Variants in RYR1 observed in about 807,000 individuals in gnomAD.
RYR1 encodes the protein central core disease of muscle.
A neutral mutation model predicts 583.5 loss-of-function variants in RYR1; 342 were observed. The ratio of observed to expected loss-of-function variants is 0.59; its 90% CI spans 0.54 to 0.64. The LOEUF (loss-of-function observed/expected upper bound fraction) is 0.64, where lower values mean the gene tolerates loss of function less well. Among genes scored for constraint, RYR1 ranks in the 30% least tolerant of loss-of-function variants. RYR1 has a pLI of 0.00. For synonymous variants in RYR1, 2,791 were observed against 2,822.5 expected (o/e 0.99, Z 0.35); for missense variants, 6,032 against 6,917.2 (o/e 0.87, Z 4.54).
chr19:38,476,779 T>C (rs1968754225), intron 29 of RYR1, among the ~76,000 whole-genome samples: 1 of 152,194 alleles, frequency 6.6e-6, no homozygotes. Flanking sequence ...ACTCTATGCC[T>C]TCTCTCCTAT....
chr19:38,492,377 AGGAAAT>A, intron 37 of RYR1, 107 bp from the exon 38 acceptor site: 1 of 1,163,876 alleles, frequency 8.6e-7, no homozygotes, highest in African/African-American at 1.6e-5. Context: ...AAAAAAAAAA[AGGAAAT>A]GAAAAACTCC....
chr19:38,542,013 G>T (rs1419359708), intron 84 of RYR1, among the ~76,000 whole-genome samples: 1 of 148,788 alleles, frequency 6.7e-6, no homozygotes, highest in Non-Finnish European at 1.5e-5. Context: ...AGGCTGCAGT[G>T]AGCTATGATC....
intron 11 of RYR1, 68 bp from the exon 12 acceptor site, chr19:38,451,696 A>G (rs1241137502): frequency 7.5e-6 from 12 of 1,601,990 alleles, no homozygotes; most frequent in Non-Finnish European, 9.4e-6. Context: ...TCAAGTCTAG[A>G]CAGACGTCTT....
chr19:38,468,138 T>C (rs953755323), intron 25 of RYR1, among the ~76,000 whole-genome samples: 1 of 143,232 alleles, frequency 7.0e-6, no homozygotes, highest in Admixed American at 7.0e-5. Flanking sequence ...CCAGCCAACA[T>C]AGGGAGACCC....
At chr19:38,458,850 C>G (rs1967573178) in intron 18 of RYR1, among the ~76,000 whole-genome samples, 1 of 152,144 alleles carries the variant, frequency 6.6e-6, no homozygotes, top group Non-Finnish European at 1.5e-5. Flanking sequence ...GTCTCCTGAC[C>G]TCAAGTGATC....
chr19:38,507,272 G>T (rs1970507664), intron 57 of RYR1, among the ~76,000 whole-genome samples: 1 of 147,714 alleles, frequency 6.8e-6, no homozygotes, highest in African/African-American at 2.5e-5. Context: ...TTGGAGGCGG[G>T]ACCAAAGAGG....
Position 38,489,177 on chromosome 19 carries a change from G to A in RYR1, c.5548G>A (p.Val1850Met), listed in dbSNP as rs2145558167. The change falls in exon 35 of 106, where the codon GTG (valine) becomes ATG (methionine). Residue 1850 changes from valine (V) to methionine (M), a missense_variant and splice_region_variant. By Grantham distance (21) the Val-to-Met change is conservative. This residue lies in a region of RYR1 where 2,627 missense variants were observed against 2,961.3 expected (regional missense o/e 0.89). Coordinates refer to ENST00000359596, the MANE Select transcript of RYR1 (RefSeq NM_000540.3). ...PVLKLVSTLLVMGIFGDEDVK... is the reference protein window; with the variant it reads ...PVLKLVSTLLMMGIFGDEDVK... ...GAAGAACCGAGACTTTGTCCTGTAGGTGATGGGCATCTTTGGCGATGAGGA... is the reference window on the plus strand; with the variant it reads ...GAAGAACCGAGACTTTGTCCTGTAGATGATGGGCATCTTTGGCGATGAGGA... The A allele has an allele frequency of 6.2e-7, 1 of 1,614,166 alleles. No homozygotes were observed. The highest frequency in any genetic ancestry group is 1.1e-5 in the South Asian group (1 of 91,088).
At chr19:38,447,415 C>T (rs976915439) in intron 9 of RYR1, among the ~76,000 whole-genome samples, 3 of 151,866 alleles carry the variant, frequency 2.0e-5, no homozygotes, top group Non-Finnish European at 4.4e-5. Flanking sequence ...GTGGTGGGCA[C>T]CTGTAATCCT....
At chr19:38,529,492 A>C (rs1015853585) in intron 76 of RYR1, among the ~76,000 whole-genome samples, 2 of 152,142 alleles carry the variant, frequency 1.3e-5, no homozygotes, top group African/African-American at 4.8e-5. Context: ...AAAGAAAAGA[A>C]AAGGAACGTA....
chr19:38,565,512 G>A lies in RYR1; in HGVS notation c.13178G>A (p.Gly4393Asp). The A allele has an allele frequency of 6.7e-7, 1 of 1,503,730 alleles. No individual in the cohort carries two copies. The highest frequency in any genetic ancestry group is 8.8e-7 in the Non-Finnish European group (1 of 1,133,718). The allele number at this position is 1,503,730 out of a possible 1,614,324, so 93.1% of individuals were successfully genotyped here. ...MPDPTSDEVH[G>D]EQPAGPGGDA... is the part of the protein sequence containing the mutation. ...GACCCCACCAGCGACGAGGTGCACG[G>A]CGAGCAGCCGGCCGGGCCGGGCGGA... Residue 4393 changes from glycine to aspartate, a missense_variant, in exon 91 of 106, where the codon GGC becomes GAC. Gly to Asp is a moderately conservative substitution (Grantham distance 94). Around this residue, in one of 11 missense-constraint regions of RYR1, gnomAD observed 753 missense variants for 759.6 expected, o/e 0.99. Transcript: ENST00000359596. This position sits in a 1 kb window ranked among gnomAD's most constrained non-coding sequence, Gnocchi z 4.7.
chr19:38,559,448 G>T (rs561075939), intron 89 of RYR1, among the ~76,000 whole-genome samples: 8 of 152,018 alleles, frequency 5.3e-5, no homozygotes, highest in Admixed American at 2.6e-4. Flanking sequence ...TGTCCAGGCT[G>T]GTCTCGAACT....
chr19:38,581,234 C>A (rs546128650), intron 101 of RYR1, among the ~76,000 whole-genome samples: 1 of 152,284 alleles, frequency 6.6e-6, no homozygotes, highest in African/African-American at 2.4e-5. Context: ...CCCGCCACCA[C>A]GCCTGGCAAA....
chr19:38,490,877 AATGT>A (rs1368090263), intron 37 of RYR1, 145 bp downstream of exon 37: 1 of 704,752 alleles, frequency 1.4e-6, no homozygotes, highest in Non-Finnish European at 2.6e-6. Flanking sequence ...TGAGTGAATG[AATGT>A]GTTAGTGAAC....
rs1007018900 is a variant in RYR1, at chr19:38,485,061, A to G, written c.4935-529A>G. 3.3e-5 allele frequency among the ~76,000 whole-genome samples: 5 copies of G among 151,902 alleles called. No individual in the cohort carries two copies. In the South Asian group the frequency reaches 6.2e-4, roughly 19 times the overall value. On this transcript the variant is annotated intron_variant, in intron 33 of 105. Transcript: ENST00000359596. ...AATATAACAAACAAAAGCAGAAACA[A>G]AACAGGCAGAAATGTCCTGCCCTTG... is the stretch of plus-strand genomic sequence containing the variant.
At chr19:38,492,436 A>G in intron 37 of RYR1, 54 bp from the exon 38 acceptor site, 1 of 1,598,064 alleles carries the variant, frequency 6.3e-7, no homozygotes, top group African/African-American at 1.3e-5. Context: ...GTGTGTAAGC[A>G]GGTGAATAAG....
intron 89 of RYR1, among the ~76,000 whole-genome samples, chr19:38,556,266 T>C (rs1365645788): frequency 1.3e-5 from 2 of 151,860 alleles, no homozygotes; most frequent in African/African-American, 4.8e-5. Flanking sequence ...GAGGATCACT[T>C]GAGGCCAGGA....
intron 67 of RYR1, 146 bp downstream of exon 67, chr19:38,519,600 C>T: frequency 3.0e-6 from 3 of 996,620 alleles, no homozygotes; most frequent in Non-Finnish European, 4.5e-6. Context: ...CTGGTTTCTT[C>T]TGGCTTTGAG....
chr19:38,506,583 G>T (rs1970462170), intron 56 of RYR1, 37 bp downstream of exon 56: 1 of 1,610,294 alleles, frequency 6.2e-7, no homozygotes, highest in South Asian at 1.1e-5. Context: ...CTACCCCCGT[G>T]GATTCACCGT....
Position 38,502,807 on chromosome 19 carries a change from G to GAGCA in RYR1, c.7836-73_7836-72insAGCA. The GAGCA allele has an allele frequency of 2.8e-6, 3 of 1,087,100 alleles. No individual in the cohort carries two copies. The Middle Eastern group carries it at 1.0e-3, about 364-fold the overall frequency. 67.3% of individuals were successfully genotyped at this position (1,087,100 alleles called of 1,614,324 possible). A position where few individuals can be genotyped will look rare whatever the true frequency, so the allele number is the denominator to read the frequency against. On this transcript the variant is annotated intron_variant, in intron 48 of 105. Coordinates refer to ENST00000359596, the MANE Select transcript of RYR1 (RefSeq NM_000540.3). ...GGGGCAGGGGCAGGGGCAGGGGCAG[G>GAGCA]GGGAGGAGCAGGGGCAGGGGCAGCA...
Sources: gnomAD v4.1 joint callset for allele counts (sites outside exome capture counted in the v4.1 genomes callset) on GRCh38, gnomAD v4.1.1 for gene constraint, gnomAD v4.1.1 regional missense constraint, Gnocchi (gnomAD v3.1) non-coding constraint, MANE v1.5 for transcripts, NCBI Gene and HGNC (gene_info 2026-07-23, HGNC 2026-07-21) for gene names.